ST6GALNAC3: variants seen among roughly 807,000 people sequenced by gnomAD.
ST6GALNAC3 encodes the protein ST6 N-acetylgalactosaminide alpha-2,6-sialyltransferase 3.
A neutral mutation model predicts 32.7 loss-of-function variants in ST6GALNAC3; 25 were observed. The observed-to-expected ratio is 0.76, with a 90% CI of 0.56 to 1.07. The LOEUF (loss-of-function observed/expected upper bound fraction) is 1.07, where lower values mean the gene tolerates loss of function less well. Ranked by LOEUF, ST6GALNAC3 falls within the 50% of genes least tolerant of loss-of-function variation. ST6GALNAC3 has a pLI of 0.00. For synonymous variants in ST6GALNAC3, 129 were observed against 133.1 expected (o/e 0.97, Z 0.21); for missense variants, 355 against 382.4 (o/e 0.93, Z 0.60).
chr1:76,295,728 A>C (rs1469349025), intron 1 of ST6GALNAC3, among the ~76,000 whole-genome samples: 1 of 152,082 alleles, frequency 6.6e-6, no homozygotes, highest in African/African-American at 2.4e-5. Flanking sequence ...TTGAAGACTT[A>C]CATACTGAAC....
chr1:76,440,336 G>T (rs1269469872), intron 3 of ST6GALNAC3, among the ~76,000 whole-genome samples: 1 of 152,218 alleles, frequency 6.6e-6, no homozygotes, highest in African/African-American at 2.4e-5. Context: ...TTTTCGAAAA[G>T]TAAGCCTTGT....
At chr1:76,591,906 T>TA (rs1458557124) in intron 3 of ST6GALNAC3, among the ~76,000 whole-genome samples, 1 of 152,194 alleles carries the variant, frequency 6.6e-6, no homozygotes. Context: ...CAATAATAAA[T>TA]ATCTATCTAA....
At chr1:76,392,312 A>G (rs984865062) in intron 2 of ST6GALNAC3, among the ~76,000 whole-genome samples, 1 of 152,240 alleles carries the variant, frequency 6.6e-6, no homozygotes, top group African/African-American at 2.4e-5. Context: ...TCAACAACTT[A>G]TCACATTATT....
chr1:76,110,418 G>T (rs757823117), intron 1 of ST6GALNAC3, among the ~76,000 whole-genome samples: 1 of 152,224 alleles, frequency 6.6e-6, no homozygotes, highest in Non-Finnish European at 1.5e-5. Flanking sequence ...TTTGTGCTTT[G>T]CCCTATTTTT....
At chr1:76,508,511 C>T (rs1571458484) in intron 3 of ST6GALNAC3, among the ~76,000 whole-genome samples, 1 of 152,102 alleles carries the variant, frequency 6.6e-6, no homozygotes, top group East Asian at 1.9e-4. Context: ...ACAGAAAGAC[C>T]TAGGAAGGCA....
intron 1 of ST6GALNAC3, among the ~76,000 whole-genome samples, chr1:76,079,939 C>T (rs1305555085): frequency 6.6e-6 from 1 of 152,180 alleles, no homozygotes; most frequent in East Asian, 1.9e-4. Flanking sequence ...GCAGGTATTA[C>T]CATGTACTGT....
intron 3 of ST6GALNAC3, among the ~76,000 whole-genome samples, chr1:76,587,362 T>C (rs1325057108): frequency 2.0e-5 from 3 of 152,152 alleles, no homozygotes; most frequent in South Asian, 2.1e-4. Flanking sequence ...CATGGAGACA[T>C]TACTGCTCGA....
chr1:76,152,217 C>T (rs752284442), intron 1 of ST6GALNAC3, among the ~76,000 whole-genome samples: 22 of 152,092 alleles, frequency 1.4e-4, no homozygotes, highest in Non-Finnish European at 2.5e-4. Flanking sequence ...TTGTCATTGT[C>T]GTGTTGTAAG....
At chr1:76,309,848 A>T in intron 1 of ST6GALNAC3, 1 of 425,256 alleles carries the variant, frequency 2.4e-6, no homozygotes, top group Admixed American at 2.5e-5. Flanking sequence ...CTCTGTGCTC[A>T]TTACTTGGTT....
chr1:76,583,683 A>T (rs1646922722), intron 3 of ST6GALNAC3, among the ~76,000 whole-genome samples: 1 of 152,168 alleles, frequency 6.6e-6, no homozygotes, highest in South Asian at 2.1e-4. Context: ...TACAGGAACT[A>T]TGTGCTTAGG....
chr1:76,252,682 TG>T (rs1657691518), intron 1 of ST6GALNAC3, among the ~76,000 whole-genome samples: 1 of 152,116 alleles, frequency 6.6e-6, no homozygotes, highest in Non-Finnish European at 1.5e-5. Context: ...AATTTGTCCT[TG>T]GGGGTATTTA....
intron 3 of ST6GALNAC3, among the ~76,000 whole-genome samples, chr1:76,510,555 T>A (rs1234758025): frequency 6.6e-6 from 1 of 152,122 alleles, no homozygotes; most frequent in Admixed American, 6.5e-5. Context: ...GACCCAAGAA[T>A]AATAATAACA....
chr1:76,430,203 T>A (rs1042880726), intron 3 of ST6GALNAC3, among the ~76,000 whole-genome samples: 1 of 152,278 alleles, frequency 6.6e-6, no homozygotes, highest in Admixed American at 6.5e-5. Context: ...ATGAAAATAG[T>A]CTCCATCTAT....
intron 2 of ST6GALNAC3, among the ~76,000 whole-genome samples, chr1:76,330,599 G>T (rs1647171870): frequency 6.6e-6 from 1 of 152,202 alleles, no homozygotes; most frequent in Non-Finnish European, 1.5e-5. Context: ...ATTCTTCTAA[G>T]TGGTTTATAT....
intron 1 of ST6GALNAC3, among the ~76,000 whole-genome samples, chr1:76,257,994 C>T (rs1200945358): frequency 6.6e-6 from 1 of 152,150 alleles, no homozygotes; most frequent in African/African-American, 2.4e-5. Flanking sequence ...ACTGGTATCC[C>T]AGGCCCCTTT....
intron 1 of ST6GALNAC3, among the ~76,000 whole-genome samples, chr1:76,112,913 G>T (rs1648162522): frequency 6.6e-6 from 1 of 152,022 alleles, no homozygotes; most frequent in Non-Finnish European, 1.5e-5. Context: ...AGGCAGAGAT[G>T]CTCCTCACTT....
At position 76,633,985 on chromosome 1, in the gene ST6GALNAC3, G is replaced by A. The variant is rs1486088257; in HGVS notation, c.*5179G>A. The A allele has an allele frequency of 4.4e-5, 8 of 179,790 alleles. No homozygotes were observed. Among genetic ancestry groups the A allele is most frequent in the East Asian group, 1.9e-4 (1 of 5,300 alleles). 11.1% of individuals were successfully genotyped at this position (179,790 alleles called of 1,614,324 possible). A position where few individuals can be genotyped will look rare whatever the true frequency, so the allele number is the denominator to read the frequency against. Reference sequence around the variant, plus strand: ...ATTCCATGTAAATTGCTAAGGCATCGAATCAGAACTGTCCTTGGGCGTTGT... The same window carrying A: ...ATTCCATGTAAATTGCTAAGGCATCAAATCAGAACTGTCCTTGGGCGTTGT... On this transcript the variant is annotated 3_prime_UTR_variant, in exon 5 of 5. Coordinates refer to ENST00000328299, the MANE Select transcript of ST6GALNAC3 (RefSeq NM_152996.4).
intron 3 of ST6GALNAC3, chr1:76,577,355 A>C: frequency 1.0e-6 from 1 of 983,830 alleles, no homozygotes; most frequent in Non-Finnish European, 1.2e-6. Flanking sequence ...ACCTTTACCA[A>C]GAGCTATAGC....
Position 76,256,416 on chromosome 1 carries a change from A to G in ST6GALNAC3, c.19-57389A>G, listed in dbSNP as rs1657921875. On this transcript the variant is annotated intron_variant, in intron 1 of 4. Coordinates refer to ENST00000328299, the MANE Select transcript of ST6GALNAC3 (RefSeq NM_152996.4). Reference sequence around the variant, plus strand: ...AGCAAGAGGCCCCATTATGGGGGCAAAGAGTAGCAGTGGAAATGAAAGTGA... The same window carrying G: ...AGCAAGAGGCCCCATTATGGGGGCAGAGAGTAGCAGTGGAAATGAAAGTGA... Among the ~76,000 whole-genome samples, 3 of 152,276 alleles carry G rather than the reference A, an allele frequency of 2.0e-5. No homozygotes were observed. The South Asian group carries it at 6.2e-4, about 32-fold the overall frequency.
Sources: allele counts gnomAD v4.1 joint callset (sites outside exome capture counted in the v4.1 genomes callset), GRCh38; gene constraint gnomAD v4.1.1; transcripts MANE v1.5; gene names NCBI Gene and HGNC (gene_info 2026-07-23, HGNC 2026-07-21).